The following RBFOX1 variants were observed in gnomAD, a reference collection of about 807,000 sequenced individuals.
The protein encoded by RBFOX1 is RNA binding protein fox-1 homolog 1.
A neutral mutation model predicts 57.7 loss-of-function variants in RBFOX1; 8 were observed. The observed-to-expected ratio is 0.14, with a 90% CI of 0.08 to 0.25. The LOEUF (loss-of-function observed/expected upper bound fraction) is 0.25. RBFOX1 is among the 10% of genes least tolerant of loss of function. RBFOX1 has a pLI of 1.00. For missense variants in RBFOX1, 611 were observed against 548.5 expected (o/e 1.11, Z -1.14); for synonymous variants, 326 against 222.4 (o/e 1.47, Z -4.15).
At chr16:6,542,018 C>G (rs2096827439) in intron 2 of RBFOX1, among the ~76,000 whole-genome samples, 1 of 151,808 alleles carries the variant, frequency 6.6e-6, no homozygotes, top group South Asian at 2.1e-4. Context: ...ATGATCATAG[C>G]TCACTGCAGC....
chr16:6,467,248 G>A (rs2095070799), intron 2 of RBFOX1, among the ~76,000 whole-genome samples: 1 of 151,318 alleles, frequency 6.6e-6, no homozygotes, highest in Non-Finnish European at 1.5e-5. Flanking sequence ...ATTAATTACA[G>A]TTAATGTAAT....
At chr16:5,841,417 C>G (rs527869688) in intron 3 of RBFOX1, among the ~76,000 whole-genome samples, 3 of 152,300 alleles carry the variant, frequency 2.0e-5, no homozygotes, top group South Asian at 2.1e-4. Flanking sequence ...TCCATAGTAT[C>G]TTCTTCCCGA....
At chr16:5,906,028 T>A (rs74006503) in intron 4 of RBFOX1, among the ~76,000 whole-genome samples, 1,827 of 152,246 alleles carry the variant, frequency 0.012, 42 homozygotes, top group African/African-American at 0.042. Context: ...CTGCAGGTAT[T>A]TGCTGCTTTG....
intron 3 of RBFOX1, among the ~76,000 whole-genome samples, chr16:5,618,243 C>T (rs535003518): frequency 1.1e-4 from 16 of 152,162 alleles, no homozygotes; most frequent in Non-Finnish European, 1.8e-4. Context: ...CTGATGCATA[C>T]ATCTGTTTCC....
intron 3 of RBFOX1, among the ~76,000 whole-genome samples, chr16:5,835,121 A>AC (rs200189080): frequency 0.03 from 4,535 of 150,918 alleles, 99 homozygotes; most frequent in Non-Finnish European, 0.044. Context: ...ATTATATAGG[A>AC]CCCCCCCCAG....
At chr16:6,880,538 A>C (rs952968473) in intron 3 of RBFOX1, among the ~76,000 whole-genome samples, 2 of 152,214 alleles carry the variant, frequency 1.3e-5, no homozygotes, top group African/African-American at 2.4e-5. Context: ...TAGTCAGGTT[A>C]GACAGCTTCA....
chr16:6,528,668 C>G (rs1453089863), intron 2 of RBFOX1, among the ~76,000 whole-genome samples: 2 of 152,180 alleles, frequency 1.3e-5, no homozygotes, highest in Non-Finnish European at 2.9e-5. Context: ...ATCACTTGTG[C>G]TAGGCTTTGA....
At chr16:6,278,377 CAAAAAAAAAAAAAA>C (rs57523660) in intron 1 of RBFOX1, among the ~76,000 whole-genome samples, 351 of 28,032 alleles carry the variant, frequency 0.013, 4 homozygotes, top group Non-Finnish European at 0.016. Context: ...TAGGACTCAC[CAAAAAAAAAAAAAA>C]AAAAAAAAAA....
chr16:5,583,025 A>G (rs1265230268), intron 2 of RBFOX1, among the ~76,000 whole-genome samples: 1 of 152,212 alleles, frequency 6.6e-6, no homozygotes, highest in African/African-American at 2.4e-5. Flanking sequence ...TTAACAGATA[A>G]GGAAACTAAG....
chr16:5,533,032 T>C (rs562218693), intron 2 of RBFOX1, among the ~76,000 whole-genome samples: 2 of 152,260 alleles, frequency 1.3e-5, no homozygotes, highest in Admixed American at 1.3e-4. Flanking sequence ...CAATGAGTTA[T>C]ATGAGAATGC....
At chr16:5,253,553 G>A (rs2062509648) in intron 1 of RBFOX1, among the ~76,000 whole-genome samples, 1 of 152,234 alleles carries the variant, frequency 6.6e-6, no homozygotes, top group Non-Finnish European at 1.5e-5. Flanking sequence ...AGCTGGCTTG[G>A]AGGTTGTCTA....
At chr16:6,217,813 G>C (rs1427619954) in intron 1 of RBFOX1, among the ~76,000 whole-genome samples, 3 of 152,174 alleles carry the variant, frequency 2.0e-5, no homozygotes, top group Non-Finnish European at 4.4e-5. Flanking sequence ...CCAAGGGTTT[G>C]AGACCAGCCG....
intron 2 of RBFOX1, among the ~76,000 whole-genome samples, chr16:6,379,513 C>T (rs998836849): frequency 6.6e-6 from 1 of 151,774 alleles, no homozygotes; most frequent in Non-Finnish European, 1.5e-5. Context: ...CATAAGAACC[C>T]ACTGAAAAAA....
intron 4 of RBFOX1, among the ~76,000 whole-genome samples, chr16:5,933,634 A>G (rs569563832): frequency 6.6e-6 from 1 of 152,296 alleles, no homozygotes; most frequent in South Asian, 2.1e-4. Context: ...TGTTTTCATA[A>G]TGGATAGGGA....
chr16:6,592,675 G>A (rs1220844219), intron 2 of RBFOX1, among the ~76,000 whole-genome samples: 1 of 152,174 alleles, frequency 6.6e-6, no homozygotes, highest in African/African-American at 2.4e-5. Context: ...GTTTAGTTTT[G>A]AAGCTCATAG....
chr16:5,599,467 C>T, exon 3 of RBFOX1: 2 of 519,268 alleles, frequency 3.9e-6, no homozygotes, highest in South Asian at 5.9e-5. Flanking sequence ...CATCTGTCAC[C>T]CACGAATAAC....
rs534668558 is a variant in RBFOX1 at position 7,283,124 on chromosome 16, G to C, written c.27+231026G>C. 3.3e-5 allele frequency among the ~76,000 whole-genome samples: 5 copies of C among 152,200 alleles called. No individual in the cohort carries two copies. In the South Asian group the frequency reaches 1.0e-3, roughly 32 times the overall value. ...CCTCTGGGTAGATACCCAGTAGTGGGATTGTTGGATCAAATGGTAGTTCTA... is the reference window on the plus strand; with the variant it reads ...CCTCTGGGTAGATACCCAGTAGTGGCATTGTTGGATCAAATGGTAGTTCTA... On this transcript the variant is annotated intron_variant, in intron 4 of 15. Coordinates refer to ENST00000550418, the MANE Select transcript of RBFOX1 (RefSeq NM_018723.4).
intron 1 of RBFOX1, among the ~76,000 whole-genome samples, chr16:6,151,668 ATT>A (rs1249824532): frequency 1.3e-5 from 2 of 152,184 alleles, no homozygotes; most frequent in African/African-American, 2.4e-5. Flanking sequence ...ATTGAAACAG[ATT>A]TGTTTGTTAG....
intron 3 of RBFOX1, among the ~76,000 whole-genome samples, chr16:6,941,952 G>A (rs769836460): frequency 6.6e-6 from 1 of 152,082 alleles, no homozygotes; most frequent in African/African-American, 2.4e-5. Flanking sequence ...GGAAAGGATG[G>A]GCACAATGGC....
Sources: gnomAD v4.1 joint callset for allele counts (sites outside exome capture counted in the v4.1 genomes callset) on GRCh38, gnomAD v4.1.1 for gene constraint, MANE v1.5 for transcripts, NCBI Gene and HGNC (gene_info 2026-07-23, HGNC 2026-07-21) for gene names.